The following ADAMTS17 variants were observed in gnomAD, a reference collection of about 807,000 sequenced individuals.
ADAMTS17 encodes ADAM metallopeptidase with thrombospondin type 1 motif 17.
ADAMTS17 carries 113 observed loss-of-function variants against 141.5 expected under a neutral mutation model. That is an observed-to-expected ratio of 0.80 (90% CI 0.69 to 0.93). ADAMTS17 has a LOEUF of 0.93. Among genes scored for constraint, ADAMTS17 ranks in the 40% least tolerant of loss-of-function variants. ADAMTS17 has a pLI of 0.00. For synonymous variants in ADAMTS17, 768 were observed against 630.6 expected, an observed-to-expected ratio of 1.22 and a Z score of -3.27; for missense variants, 1,659 against 1,517.9, an observed-to-expected ratio of 1.09 and a Z score of -1.54.
At position 100,004,854 on chromosome 15, in the gene ADAMTS17, C is replaced by G. The variant is rs188417281; in HGVS notation, c.2592-7265G>C. On this transcript the variant is annotated intron_variant, in intron 18 of 21. Coordinates refer to ENST00000268070, the MANE Select transcript of ADAMTS17 (RefSeq NM_139057.4). ...CAGGCTGGTCTTGAACTGCTGACCT[C>G]CAGTGATCCGCCCGCCTTGGCCTCC... Among the ~76,000 whole-genome samples the G allele has an allele frequency of 3.6e-3, 552 of 152,304 alleles. 5 individuals are homozygous for G. Among genetic ancestry groups the G allele is most frequent in the Non-Finnish European group, 6.0e-3 (410 of 68,018 alleles).
chr15:100,009,872 A>G (rs2061124668), intron 18 of ADAMTS17, among the ~76,000 whole-genome samples: 1 of 152,138 alleles, frequency 6.6e-6, no homozygotes, highest in Admixed American at 6.5e-5. Flanking sequence ...ACTGAATCCT[A>G]TTTTGGATTT....
At chr15:100,303,026 C>T (rs1037798113) in intron 3 of ADAMTS17, among the ~76,000 whole-genome samples, 2 of 151,386 alleles carry the variant, frequency 1.3e-5, no homozygotes, top group Non-Finnish European at 2.9e-5. Context: ...CTCCTTACTC[C>T]ATAGCCTGCA....
intron 18 of ADAMTS17, among the ~76,000 whole-genome samples, chr15:100,015,469 T>C (rs1319305545): frequency 6.6e-6 from 1 of 152,214 alleles, no homozygotes. Context: ...TCCTGTGTGA[T>C]TTATGCTTTA....
rs1444561022 is a variant in ADAMTS17 at position 99,997,764 on chromosome 15, A to G, written c.2592-175T>C. 6.6e-6 allele frequency among the ~76,000 whole-genome samples: 1 copy of G among 152,186 alleles called. No homozygotes were observed. Among genetic ancestry groups the G allele is most frequent in the Non-Finnish European group, 1.5e-5 (1 of 68,030 alleles). The stretch of plus-strand genomic sequence containing the variant: ...TCAGAGTATCGGCACAGAGGGAGTG[A>G]CTTGAGTGGTCCTCTGGTTGGATGG... On this transcript the variant is annotated intron_variant, in intron 18 of 21. Coordinates refer to ENST00000268070, the MANE Select transcript of ADAMTS17 (RefSeq NM_139057.4). This position sits in a 1 kb window ranked among gnomAD's most constrained non-coding sequence, Gnocchi z 4.7.
chr15:100,221,497 T>C (rs1230232340), intron 7 of ADAMTS17, among the ~76,000 whole-genome samples: 1 of 152,226 alleles, frequency 6.6e-6, no homozygotes, highest in Non-Finnish European at 1.5e-5. Context: ...TATGCTATAA[T>C]ACCTATTGTT....
intron 13 of ADAMTS17, among the ~76,000 whole-genome samples, chr15:100,115,292 A>T (rs973814171): frequency 1.2e-4 from 18 of 152,166 alleles, no homozygotes; most frequent in Admixed American, 6.5e-5. Flanking sequence ...GTGCAACTGC[A>T]CGGCTCCAGC....
At chr15:100,049,030 T>C (rs1026283900) in intron 17 of ADAMTS17, 38 bp from the exon 18 acceptor site, 1 of 1,614,066 alleles carries the variant, frequency 6.2e-7, no homozygotes, top group Non-Finnish European at 8.5e-7. Context: ...AGACTGTGGC[T>C]GCACCCACGT....
At chr15:100,248,500 C>T (rs2043055002) in intron 7 of ADAMTS17, among the ~76,000 whole-genome samples, 2 of 152,210 alleles carry the variant, frequency 1.3e-5, no homozygotes, top group Non-Finnish European at 2.9e-5. Context: ...TTGTCACCTC[C>T]CTCTTCTCAC....
chr15:100,216,462 C>G (rs966462205), intron 7 of ADAMTS17, among the ~76,000 whole-genome samples: 1 of 152,314 alleles, frequency 6.6e-6, no homozygotes, highest in East Asian at 1.9e-4. Flanking sequence ...AAAACACCAC[C>G]TTCACCGGCA....
At position 100,231,475 on chromosome 15, in the gene ADAMTS17, C is replaced by T. The variant is rs921717884; in HGVS notation, c.1075+22661G>A. 5.9e-5 allele frequency among the ~76,000 whole-genome samples: 9 copies of T among 152,302 alleles called. No homozygotes were observed. The East Asian group carries it at 1.7e-3, about 29-fold the overall frequency. ...ACATCAGCACCTCCCATTCGCTGGC[C>T]TGACAGGGACCATGAATGAGGAAGA... On this transcript the variant is annotated intron_variant, in intron 7 of 21. Coordinates refer to ENST00000268070, the MANE Select transcript of ADAMTS17 (RefSeq NM_139057.4).
At chr15:100,100,936 T>A (rs1447391830) in intron 14 of ADAMTS17, among the ~76,000 whole-genome samples, 2 of 139,850 alleles carry the variant, frequency 1.4e-5, no homozygotes, top group Admixed American at 1.5e-4. Flanking sequence ...TTGTAAGCCC[T>A]CCCCCGGAAT....
chr15:100,330,719 C>T (rs1004254027), intron 3 of ADAMTS17, among the ~76,000 whole-genome samples, 170 bp downstream of exon 3: 8 of 152,136 alleles, frequency 5.3e-5, no homozygotes, highest in African/African-American at 1.9e-4. Flanking sequence ...GGACTGCCGA[C>T]ACTAAGACAC....
At chr15:100,239,329 A>T (rs1162987400) in intron 7 of ADAMTS17, among the ~76,000 whole-genome samples, 2 of 152,210 alleles carry the variant, frequency 1.3e-5, no homozygotes, top group African/African-American at 4.8e-5. Flanking sequence ...TCTCACTTTC[A>T]TCACTCCTGC....
intron 7 of ADAMTS17, among the ~76,000 whole-genome samples, chr15:100,199,813 G>T (rs2041254051): frequency 6.6e-6 from 1 of 152,188 alleles, no homozygotes; most frequent in Non-Finnish European, 1.5e-5. Context: ...GCCTAGGGCT[G>T]GGACCAGGTG....
rs71151927 is a variant in ADAMTS17 at position 99,977,349 on chromosome 15, CATATATATATATATATATATATATATAT to C, written c.2950-1155_2950-1128del. On this transcript the variant is annotated intron_variant, in intron 20 of 21. Transcript: ENST00000268070. ...GGTTCTGTTCTCCGTCCCTCCTCTT[CATATATATATATATATATATATATATAT>C]ATATATATATATATATATATATAAT... is the stretch of plus-strand genomic sequence containing the variant. Among the ~76,000 whole-genome samples the C allele has an allele frequency of 1.3e-3, 40 of 30,332 alleles. 3 individuals are homozygous for C. Among genetic ancestry groups the C allele is most frequent in the South Asian group, 4.6e-3 (2 of 434 alleles). 19.9% of individuals were successfully genotyped at this position (30,332 alleles called of 152,430 possible). A position where few individuals can be genotyped will look rare whatever the true frequency, so the allele number is the denominator to read the frequency against.
chr15:100,002,942 G>C (rs2060959294), intron 18 of ADAMTS17, among the ~76,000 whole-genome samples: 2 of 152,024 alleles, frequency 1.3e-5, no homozygotes, highest in Admixed American at 1.3e-4. Flanking sequence ...TGAGGTGTAG[G>C]TGCAGCCCAC....
Position 99,973,234 on chromosome 15 carries a change from T to C in ADAMTS17, c.*1168A>G, listed in dbSNP as rs1269760024. 6.6e-6 allele frequency: 1 copy of C among 152,072 alleles called. No homozygotes were observed. 9.4% of individuals were successfully genotyped at this position (152,072 alleles called of 1,614,324 possible). A position where few individuals can be genotyped will look rare whatever the true frequency, so the allele number is the denominator to read the frequency against. On this transcript the variant is annotated 3_prime_UTR_variant, in exon 22 of 22. Coordinates refer to ENST00000268070, the MANE Select transcript of ADAMTS17 (RefSeq NM_139057.4). The stretch of plus-strand genomic sequence containing the variant: ...GGGTCAATGATGACAGGCGTGATGA[T>C]AATGGGTACCACAAAGTCTGGGGCT...
chr15:100,245,513 C>T (rs2042960108), intron 7 of ADAMTS17, among the ~76,000 whole-genome samples: 1 of 152,236 alleles, frequency 6.6e-6, no homozygotes, highest in African/African-American at 2.4e-5. Context: ...CTCCAAAGGG[C>T]TGGTAGAAGC....
rs1201595109 is a variant in ADAMTS17 at position 99,971,498 on chromosome 15, TC to T, written c.*2903del. On this transcript the variant is annotated 3_prime_UTR_variant, in exon 22 of 22. Coordinates refer to ENST00000268070, the MANE Select transcript of ADAMTS17 (RefSeq NM_139057.4). ...TGCTTCCAATGAAATGATTAATTTT[TC>T]TATATAATTTTCATGTATAATGGCG... 7.9e-5 allele frequency: 12 copies of T among 152,254 alleles called. No individual in the cohort carries two copies. The highest frequency in any genetic ancestry group is 2.7e-4 in the African/African-American group (11 of 41,476). 9.4% of individuals were successfully genotyped at this position (152,254 alleles called of 1,614,324 possible).
Sources: gnomAD v4.1 joint callset for allele counts (sites outside exome capture counted in the v4.1 genomes callset) on GRCh38, gnomAD v4.1.1 for gene constraint, Gnocchi (gnomAD v3.1) non-coding constraint, MANE v1.5 for transcripts, NCBI Gene and HGNC (gene_info 2026-07-23, HGNC 2026-07-21) for gene names.